Variants in ADAM9 observed in about 807,000 individuals in gnomAD.
ADAM9 encodes the protein disintegrin and metalloproteinase domain-containing protein 9.
ADAM9 carries 54 observed loss-of-function variants against 108.1 expected under a neutral mutation model. The ratio of observed to expected loss-of-function variants is 0.50; its 90% CI spans 0.40 to 0.63. The LOEUF (loss-of-function observed/expected upper bound fraction) is 0.63, where lower values mean the gene tolerates loss of function less well. Among genes scored for constraint, ADAM9 ranks in the 20% least tolerant of loss-of-function variants. The pLI is 0.00. For synonymous variants in ADAM9, 316 were observed against 336.0 expected (o/e 0.94, Z 0.65); for missense variants, 830 against 997.7 (o/e 0.83, Z 2.26).
At chr8:39,046,661 G>A (rs1177703235) in intron 12 of ADAM9, among the ~76,000 whole-genome samples, 1 of 152,010 alleles carries the variant, frequency 6.6e-6, no homozygotes, top group African/African-American at 2.4e-5. Context: ...AGAGCTTTTT[G>A]CATGAAAGGG....
At chr8:39,090,001 C>A (rs762120196) in intron 18 of ADAM9, 46 bp from the exon 19 acceptor site, 4 of 1,587,200 alleles carry the variant, frequency 2.5e-6, no homozygotes, top group African/African-American at 2.7e-5. Context: ...GTATTTTCTG[C>A]CTAGTATGAG....
intron 1 of ADAM9, among the ~76,000 whole-genome samples, chr8:39,003,936 C>A (rs551704421): frequency 6.6e-6 from 1 of 151,760 alleles, no homozygotes; most frequent in African/African-American, 2.4e-5. Flanking sequence ...TTGGCAGTCT[C>A]GGTAAAAGAT....
intron 14 of ADAM9, among the ~76,000 whole-genome samples, chr8:39,059,469 C>T (rs915178312): frequency 7.2e-5 from 11 of 152,170 alleles, no homozygotes; most frequent in African/African-American, 2.7e-4. Context: ...GCTGAGCCCA[C>T]GCATCGCCTC....
chr8:39,038,531 C>T (rs1201538252), intron 11 of ADAM9, among the ~76,000 whole-genome samples: 1 of 152,132 alleles, frequency 6.6e-6, no homozygotes, highest in East Asian at 1.9e-4. Context: ...CGCCTTTTTT[C>T]CCCATAGCAC....
At chr8:39,091,556 C>T (rs1370843433) in intron 20 of ADAM9, among the ~76,000 whole-genome samples, 1 of 152,110 alleles carries the variant, frequency 6.6e-6, no homozygotes, top group Non-Finnish European at 1.5e-5. Flanking sequence ...GGCACAATTG[C>T]GTCTCATTGC....
chr8:39,030,237 C>T (rs1837055477), intron 11 of ADAM9, among the ~76,000 whole-genome samples: 1 of 152,190 alleles, frequency 6.6e-6, no homozygotes, highest in African/African-American at 2.4e-5. Flanking sequence ...AAAAAATCCT[C>T]TGTGCTCCAC....
At chr8:39,037,693 A>T (rs1031861587) in intron 11 of ADAM9, among the ~76,000 whole-genome samples, 1 of 152,118 alleles carries the variant, frequency 6.6e-6, no homozygotes, top group Non-Finnish European at 1.5e-5. Context: ...TTGGGATTAC[A>T]TTATTAAATA....
At chr8:38,997,998 G>A (rs972595573) in intron 1 of ADAM9, among the ~76,000 whole-genome samples, 4 of 152,182 alleles carry the variant, frequency 2.6e-5, no homozygotes, top group African/African-American at 7.2e-5. Flanking sequence ...CAGCACGCTG[G>A]CGTCTTTCTG....
Position 38,998,250 on chromosome 8 carries a change from A to G in ADAM9, c.97+1090A>G, listed in dbSNP as rs537572672. Among the ~76,000 whole-genome samples the G allele has an allele frequency of 2.0e-4, 31 of 152,338 alleles. No individual in the cohort carries two copies. The South Asian group carries it at 2.9e-3, about 14-fold the overall frequency. The stretch of plus-strand genomic sequence containing the variant: ...TAAGTAAATTTGCCCCAGTGTGGAA[A>G]TGTTGAAACTCTGACAATGTTTTGA... On this transcript the variant is annotated intron_variant, in intron 1 of 21. Transcript: ENST00000487273.
At chr8:39,024,537 G>C (rs185751433) in intron 9 of ADAM9, among the ~76,000 whole-genome samples, 1 of 152,314 alleles carries the variant, frequency 6.6e-6, no homozygotes, top group African/African-American at 2.4e-5. Flanking sequence ...TGGGGCCTAT[G>C]AGTTCCTTAT....
At chr8:39,018,730 G>A in intron 6 of ADAM9, 123 bp from the exon 7 acceptor site, 1 of 866,000 alleles carries the variant, frequency 1.2e-6, no homozygotes, top group Non-Finnish European at 1.9e-6. Flanking sequence ...CTTGATATAG[G>A]ATATGTTAAG....
intron 9 of ADAM9, among the ~76,000 whole-genome samples, chr8:39,023,781 C>G (rs916819193): frequency 3.3e-5 from 4 of 121,716 alleles, no homozygotes; most frequent in Admixed American, 1.0e-4. Context: ...GAGTCTCACT[C>G]TGTTGCCCAG....
rs1295480419 is a variant in ADAM9 at position 39,026,764 on chromosome 8, G to A, written c.1084G>A (p.Asp362Asn). Residue 362 changes from aspartate to asparagine, a missense_variant, in exon 11 of 22, where the codon GAT becomes AAT. Physicochemically the swap from Asp to Asn is conservative, Grantham distance 23 (BLOSUM62 1). Coordinates refer to ENST00000487273, the MANE Select transcript of ADAM9 (RefSeq NM_003816.3). ...NLGMNHDDGR[D>N]CSCGAKSCIM... ...TGGAATGAATCACGATGATGGGAGA[G>A]ATTGTTCCTGTGGAGCAAAGAGCTG... is the stretch of plus-strand genomic sequence containing the variant. 6.2e-7 allele frequency: 1 copy of A among 1,614,172 alleles called. No homozygotes were observed. The highest frequency in any genetic ancestry group is 1.7e-5 in the Admixed American group (1 of 60,034).
At position 39,101,844 on chromosome 8, in the gene ADAM9, AT is replaced by A. The variant is rs751847203; in HGVS notation, c.2299-9del. ...ATGAGCACATAGTGGTAATAACCTT[AT>A]TTTTTTTTTCTTTTTAGCCTATATA... On this transcript the variant is annotated intron_variant, in intron 20 of 21. Transcript: ENST00000487273. 898 of 1,470,570 alleles carry A rather than the reference AT, an allele frequency of 6.1e-4. 1 individual carries two copies. Among genetic ancestry groups the A allele is most frequent in the South Asian group, 1.5e-3 (125 of 83,364 alleles). The allele number at this position is 1,470,570 out of a possible 1,614,324, so 91.1% of individuals were successfully genotyped here.
Position 39,101,917 on chromosome 8 carries a change from C to A in ADAM9, c.2353C>A (p.Gln785Lys). ...VPTYAAKQPQ[Q>K]FPSRPPPPQP... Reference sequence around the variant, plus strand: ...AACCTATGCAGCCAAGCAACCTCAGCAGTTCCCATCAAGGTCAGAAGAAAA... The same window carrying A: ...AACCTATGCAGCCAAGCAACCTCAGAAGTTCCCATCAAGGTCAGAAGAAAA... Residue 785 changes from glutamine to lysine, a missense_variant, in exon 21 of 22, where the codon CAG becomes AAG. This residue lies in a region of ADAM9 where 238 missense variants were observed against 235.7 expected (regional missense o/e 1.01). Transcript: ENST00000487273. 1 of 1,613,650 alleles carries A rather than the reference C, an allele frequency of 6.2e-7. No individual in the cohort carries two copies. The highest frequency in any genetic ancestry group is 8.5e-7 in the Non-Finnish European group (1 of 1,179,712).
Position 39,026,753 on chromosome 8 carries a change from A to G in ADAM9, c.1073A>G (p.Asp358Gly). Residue 358 changes from aspartate to glycine, a missense_variant, in exon 11 of 22, where the codon GAT becomes GGT. This residue lies in a region of ADAM9 where 381 missense variants were observed against 539.8 expected (regional missense o/e 0.71). Coordinates refer to ENST00000487273, the MANE Select transcript of ADAM9 (RefSeq NM_003816.3). ...ELGHNLGMNH[D>G]DGRDCSCGAK... The stretch of plus-strand genomic sequence containing the variant: ...GGTCATAATCTTGGAATGAATCACG[A>G]TGATGGGAGAGATTGTTCCTGTGGA... 1 of 1,614,184 alleles carries G rather than the reference A, an allele frequency of 6.2e-7. No homozygotes were observed. Among genetic ancestry groups the G allele is most frequent in the Non-Finnish European group, 8.5e-7 (1 of 1,180,022 alleles).
Position 39,014,033 on chromosome 8 carries a change from C to T in ADAM9, c.323C>T (p.Pro108Leu), listed in dbSNP as rs777287822. Residue 108 changes from proline (P) to leucine (L), a missense_variant, in exon 4 of 22, where the codon CCC (proline) becomes CTC (leucine). Physicochemically the swap from Pro to Leu is moderately conservative, Grantham distance 98. Transcript: ENST00000487273. ...GAAGGGACTTTAATCACTGACCATCCCAATATACAGGTAATGTATTTTTCT... is the reference window on the plus strand; with the variant it reads ...GAAGGGACTTTAATCACTGACCATCTCAATATACAGGTAATGTATTTTTCT... ...NKEGTLITDH[P>L]NIQNHCHYRG... The T allele has an allele frequency of 2.3e-5, 37 of 1,612,028 alleles. No individual in the cohort carries two copies. The highest frequency in any genetic ancestry group is 2.1e-4 in the African/African-American group (16 of 74,780).
At chr8:39,084,128 C>T (rs576889091) in intron 18 of ADAM9, among the ~76,000 whole-genome samples, 184 of 152,206 alleles carry the variant, frequency 1.2e-3, no homozygotes, top group African/African-American at 4.4e-3. Flanking sequence ...ATCTACATAT[C>T]TTCTTTGGTT....
At chr8:39,045,576 A>ATATATATATG (rs1554579353) in intron 12 of ADAM9, among the ~76,000 whole-genome samples, 11 of 150,832 alleles carry the variant, frequency 7.3e-5, no homozygotes, top group African/African-American at 2.7e-4. Context: ...GTGTGTATAT[A>ATATATATATG]TATATATATA....
Sources: allele counts gnomAD v4.1 joint callset (sites outside exome capture counted in the v4.1 genomes callset), GRCh38; gene constraint gnomAD v4.1.1; regional missense constraint gnomAD v4.1.1; transcripts MANE v1.5; gene names NCBI Gene and HGNC (gene_info 2026-07-23, HGNC 2026-07-21).